Variants in DNAH3 observed in about 807,000 individuals in gnomAD.
DNAH3 encodes the protein dynein axonemal heavy chain 3, also known as axonemal beta dynein heavy chain 3.
Under a neutral mutation model 432.5 loss-of-function variants are expected in DNAH3, and 332 were observed. The observed-to-expected ratio is 0.77, with a 90% confidence interval of 0.70 to 0.84. DNAH3 has a LOEUF of 0.84. Ranked by LOEUF, DNAH3 falls within the 40% of genes least tolerant of loss-of-function variation. The probability of loss-of-function intolerance (pLI) is 0.00; values close to 1 mark genes in which losing one functional copy is unlikely to be tolerated. For missense variants in DNAH3, 4,861 were observed against 5,114.0 expected, an observed-to-expected ratio of 0.95 and a Z score of 1.51; for synonymous variants, 1,956 against 1,900.2, an observed-to-expected ratio of 1.03 and a Z score of -0.76.
At chr16:21,051,850 T>C in exon 29 of DNAH3, 2 of 1,614,166 alleles carry the variant, frequency 1.2e-6, no homozygotes, top group Non-Finnish European at 1.7e-6. Context: ...CTCAGATAAC[T>C]TGGCCACCAC....
At chr16:20,992,065 C>G (rs757570258) in intron 44 of DNAH3, among the ~76,000 whole-genome samples, 54 of 152,180 alleles carry the variant, frequency 3.5e-4, no homozygotes, top group Non-Finnish European at 6.6e-4. Context: ...GATTCTTTCC[C>G]ATTTACTTAT....
chr16:21,027,111 C>G, exon 38 of DNAH3: 1 of 1,613,612 alleles, frequency 6.2e-7, no homozygotes, highest in Non-Finnish European at 8.5e-7. Flanking sequence ...GATAATTTCC[C>G]CACTCATGAG....
chr16:21,111,683 T>C (rs769749198), exon 14 of DNAH3: 1 of 1,614,030 alleles, frequency 6.2e-7, no homozygotes, highest in South Asian at 1.1e-5. Context: ...GTCTTTAAGA[T>C]TTTGAGCTCG....
chr16:20,942,150 G>T (rs2083839943), intron 58 of DNAH3, among the ~76,000 whole-genome samples: 1 of 151,858 alleles, frequency 6.6e-6, no homozygotes, highest in Admixed American at 6.6e-5. Context: ...TGCTCAGCCA[G>T]GTAGCTTCAG....
intron 19 of DNAH3, among the ~76,000 whole-genome samples, chr16:21,083,177 G>A (rs940307938): frequency 3.3e-5 from 5 of 151,822 alleles, no homozygotes; most frequent in African/African-American, 4.8e-5. Flanking sequence ...CACCACGCCC[G>A]GCTAATTTTT....
intron 41 of DNAH3, among the ~76,000 whole-genome samples, chr16:21,014,648 A>C (rs2087772577): frequency 6.6e-6 from 1 of 151,870 alleles, no homozygotes; most frequent in Non-Finnish European, 1.5e-5. Context: ...GGAAGGAAGA[A>C]ATAAAACTGT....
chr16:21,037,474 T>C (rs1305141923), intron 34 of DNAH3, among the ~76,000 whole-genome samples: 1 of 152,186 alleles, frequency 6.6e-6, no homozygotes, highest in Non-Finnish European at 1.5e-5. Context: ...GCAAGTAAGA[T>C]TAAATTAAAT....
At chr16:21,058,137 G>T (rs1238326347) in exon 27 of DNAH3, 15 of 1,613,938 alleles carry the variant, frequency 9.3e-6, no homozygotes, top group Admixed American at 1.7e-5. Context: ...TCCAAAAGAT[G>T]GAGGAGACAC....
At chr16:20,990,936 G>A (rs1001028749) in intron 44 of DNAH3, among the ~76,000 whole-genome samples, 3 of 152,244 alleles carry the variant, frequency 2.0e-5, no homozygotes, top group Admixed American at 1.3e-4. Flanking sequence ...CAGGAGAATT[G>A]CTTGAATCCG....
intron 19 of DNAH3, among the ~76,000 whole-genome samples, chr16:21,085,527 C>CAAAAAAAAAA (rs34136946): frequency 1.2e-5 from 1 of 81,320 alleles, no homozygotes; most frequent in Non-Finnish European, 2.4e-5. Context: ...GATTCCACCT[C>CAAAAAAAAAA]AAAAAAAAAA....
At chr16:21,130,973 A>G (rs1053502524) in intron 7 of DNAH3, among the ~76,000 whole-genome samples, 6 of 152,204 alleles carry the variant, frequency 3.9e-5, no homozygotes, top group African/African-American at 1.4e-4. Flanking sequence ...GCCAAGCAGC[A>G]GTCTAAGCAC....
At position 21,067,372 on chromosome 16, in the gene DNAH3, T is replaced by G. The variant is rs861424; in HGVS notation, c.3429A>C (p.Ala1143=). 0.42 allele frequency: 682,738 copies of G among 1,613,456 alleles called. 147,696 individuals are homozygous for G. Among genetic ancestry groups the G allele is most frequent in the East Asian group, 0.7 (31,575 of 44,822 alleles). ...GAAAGTTGGCTTCTTGAAGCTTCTC[T>G]GCCATCCGTGGCTGGTCGGCTGCCA... The change falls in exon 24 of 62, where the codon GCA becomes GCC. Residue 1143 remains alanine, a synonymous_variant. Coordinates refer to ENST00000261383, the Ensembl canonical transcript of DNAH3.
At chr16:21,127,462 GA>G (rs1453232911) in intron 8 of DNAH3, among the ~76,000 whole-genome samples, 1 of 151,838 alleles carries the variant, frequency 6.6e-6, no homozygotes, top group African/African-American at 2.4e-5. Context: ...TGGGGGCGCT[GA>G]GGCAGGATAA....
intron 51 of DNAH3, among the ~76,000 whole-genome samples, chr16:20,973,064 G>T (rs2152642536): frequency 6.6e-6 from 1 of 152,090 alleles, no homozygotes; most frequent in South Asian, 2.1e-4. Flanking sequence ...CACATAGGCT[G>T]CTTTTTAATC....
chr16:20,986,367 G>T (rs1253394179), intron 47 of DNAH3, among the ~76,000 whole-genome samples: 2 of 151,772 alleles, frequency 1.3e-5, no homozygotes, highest in East Asian at 3.9e-4. Context: ...AATTAACTGG[G>T]CATCGTGGTG....
intron 54 of DNAH3, among the ~76,000 whole-genome samples, chr16:20,955,589 C>T (rs868169665): frequency 4.6e-5 from 7 of 151,938 alleles, no homozygotes; most frequent in African/African-American, 9.7e-5. Context: ...TGTGAGTCCC[C>T]GTGCCTGGCC....
intron 6 of DNAH3, among the ~76,000 whole-genome samples, chr16:21,134,744 A>G (rs745634125): frequency 1.3e-5 from 2 of 151,948 alleles, no homozygotes; most frequent in African/African-American, 4.8e-5. Flanking sequence ...GCAATGGTTC[A>G]ATCTCAGCTC....
At chr16:21,110,841 T>G (rs1354368859) in intron 14 of DNAH3, among the ~76,000 whole-genome samples, 1 of 151,608 alleles carries the variant, frequency 6.6e-6, no homozygotes, top group Non-Finnish European at 1.5e-5. Context: ...ACTACTGCAC[T>G]CCAGCCTAGG....
chr16:21,154,404 C>CAA (rs34973143), intron 1 of DNAH3, among the ~76,000 whole-genome samples: 130 of 146,350 alleles, frequency 8.9e-4, no homozygotes, highest in South Asian at 4.4e-3. Flanking sequence ...GACTCTGTCT[C>CAA]AAAAAAAAAA....
Sources: allele counts gnomAD v4.1 joint callset (sites outside exome capture counted in the v4.1 genomes callset), GRCh38; gene constraint gnomAD v4.1.1; transcripts MANE v1.5; gene names NCBI Gene and HGNC (gene_info 2026-07-23, HGNC 2026-07-21).